Variants in BOC observed in about 807,000 individuals in gnomAD.
The protein encoded by BOC is brother of CDO.
A neutral mutation model predicts 112.0 loss-of-function variants in BOC; 76 were observed. That is an observed-to-expected ratio of 0.68 (90% CI 0.56 to 0.82). BOC has a LOEUF of 0.82. BOC is among the 40% of genes least tolerant of loss of function. The pLI is 0.00. For synonymous variants in BOC, 580 were observed against 599.8 expected (o/e 0.97, Z 0.48); for missense variants, 1,309 against 1,511.7 (o/e 0.87, Z 2.22).
chr3:113,235,274 A>C (rs952697890), intron 2 of BOC, among the ~76,000 whole-genome samples: 1 of 152,184 alleles, frequency 6.6e-6, no homozygotes, highest in African/African-American at 2.4e-5. Flanking sequence ...TTCATTTTAC[A>C]TGACTTATGT....
At chr3:113,246,940 C>G (rs576205752) in intron 2 of BOC, among the ~76,000 whole-genome samples, 1 of 152,158 alleles carries the variant, frequency 6.6e-6, no homozygotes, top group East Asian at 1.9e-4. Context: ...TATAAATTAC[C>G]GAGGGTGCAG....
At chr3:113,250,504 T>A in intron 3 of BOC, 51 bp from the exon 4 acceptor site, 1 of 1,546,344 alleles carries the variant, frequency 6.5e-7, no homozygotes, top group African/African-American at 1.4e-5. Context: ...AAACGTGATG[T>A]TGTTTTCTTG....
At position 113,216,201 on chromosome 3, in the gene BOC, T is replaced by G. The variant is rs1374398212; in HGVS notation, c.-155T>G. The G allele has an allele frequency of 2.2e-6, 1 of 456,022 alleles. No homozygotes were observed. Among genetic ancestry groups the G allele is most frequent in the East Asian group, 6.9e-5 (1 of 14,390 alleles). The allele number at this position is 456,022 out of a possible 1,614,324, so 28.2% of individuals were successfully genotyped here. A position where few individuals can be genotyped will look rare whatever the true frequency, so the allele number is the denominator to read the frequency against. ...TTTTTCCTCAGTTTCAGAACAAGCT[T>G]CCTGGAACCCATGACCCATGAAGTC... On this transcript the variant is annotated 5_prime_UTR_variant, in exon 2 of 20. Coordinates refer to ENST00000682979, the MANE Select transcript of BOC (RefSeq NM_001378074.1).
chr3:113,279,610 C>G (rs1163597473), intron 12 of BOC, 155 bp downstream of exon 12: 3 of 834,220 alleles, frequency 3.6e-6, no homozygotes, highest in Non-Finnish European at 5.5e-6. Context: ...TACCACAGTC[C>G]TAAAGCCTTC....
intron 6 of BOC, chr3:113,271,810 C>A (rs1948153488): frequency 6.1e-6 from 1 of 163,800 alleles, no homozygotes; most frequent in Non-Finnish European, 1.4e-5. Flanking sequence ...TGCAGTTTGT[C>A]CACAGTGTTG....
chr3:113,252,787 G>A (rs755087871), intron 4 of BOC, among the ~76,000 whole-genome samples: 3 of 152,184 alleles, frequency 2.0e-5, no homozygotes, highest in Non-Finnish European at 4.4e-5. Flanking sequence ...GTGGCAGAAG[G>A]GTCACCCATG....
chr3:113,213,940 TAC>T (rs1219640274), intron 1 of BOC, among the ~76,000 whole-genome samples: 1 of 152,342 alleles, frequency 6.6e-6, no homozygotes, highest in East Asian at 1.9e-4. Flanking sequence ...GGAGGGTGTC[TAC>T]ACATTTATGA....
intron 2 of BOC, among the ~76,000 whole-genome samples, chr3:113,219,440 T>C (rs909291483): frequency 6.6e-6 from 1 of 152,256 alleles, no homozygotes; most frequent in African/African-American, 2.4e-5. Context: ...AAATGGGCAT[T>C]ATTATCCTAT....
At position 113,285,373 on chromosome 3, in the gene BOC, G is replaced by C. The variant is rs754581637; in HGVS notation, c.2968G>C (p.Gly990Arg). The C allele has an allele frequency of 1.2e-6, 2 of 1,612,648 alleles. No homozygotes were observed. The highest frequency in any genetic ancestry group is 2.2e-5 in the East Asian group (1 of 44,892). The part of the protein sequence containing the change: ...YDPQSHQITR[G>R]PKSSPDEGSF... ...CCCATCTGGGCTTGTGCACTGCAGG[G>C]GTCCCAAGTCTAGCCCGGACGAGGG... Residue 990 changes from glycine (G) to arginine (R), a missense_variant and splice_region_variant, in exon 19 of 20, where the codon GGT (glycine) becomes CGT (arginine). By Grantham distance (125) the Gly-to-Arg change is moderately radical. Coordinates refer to ENST00000682979, the MANE Select transcript of BOC (RefSeq NM_001378074.1).
intron 4 of BOC, among the ~76,000 whole-genome samples, chr3:113,254,754 C>T (rs942034389): frequency 1.3e-5 from 2 of 152,238 alleles, no homozygotes; most frequent in African/African-American, 4.8e-5. Flanking sequence ...TGGCAAGATG[C>T]CACCTCCTGC....
intron 1 of BOC, among the ~76,000 whole-genome samples, chr3:113,213,819 T>C (rs1029514138): frequency 1.3e-5 from 2 of 152,204 alleles, no homozygotes; most frequent in African/African-American, 4.8e-5. Flanking sequence ...CAAATGAGTT[T>C]ATGCAAAGAG....
chr3:113,282,843 G>C (rs1490052641), intron 15 of BOC, among the ~76,000 whole-genome samples: 3 of 152,036 alleles, frequency 2.0e-5, no homozygotes. Flanking sequence ...GGCCAGCAGG[G>C]TCAGATGCAC....
intron 2 of BOC, among the ~76,000 whole-genome samples, chr3:113,220,692 G>C (rs1940444949): frequency 6.6e-6 from 1 of 152,174 alleles, no homozygotes; most frequent in African/African-American, 2.4e-5. Context: ...GCAGGAGCCT[G>C]GATTAGAGGC....
At chr3:113,245,155 A>T (rs1258485150) in intron 2 of BOC, among the ~76,000 whole-genome samples, 1 of 152,224 alleles carries the variant, frequency 6.6e-6, no homozygotes, top group Non-Finnish European at 1.5e-5. Flanking sequence ...AAATTTTTTA[A>T]ATTAGGTCTG....
In BOC at chr3:113,280,022, G is replaced by T; in HGVS notation, c.2205+17G>T. On this transcript the variant is annotated intron_variant, in intron 13 of 19. Coordinates refer to ENST00000682979, the MANE Select transcript of BOC (RefSeq NM_001378074.1). ...AAGTGGATGGTAAGCGGGCCTGGCCGTGGACTGCAGTGGAAGACGGCCTCC... is the reference window on the plus strand; with the variant it reads ...AAGTGGATGGTAAGCGGGCCTGGCCTTGGACTGCAGTGGAAGACGGCCTCC... The T allele has an allele frequency of 1.3e-6, 2 of 1,583,270 alleles. No individual in the cohort carries two copies. Among genetic ancestry groups the T allele is most frequent in the East Asian group, 4.5e-5 (2 of 44,198 alleles).
intron 4 of BOC, among the ~76,000 whole-genome samples, chr3:113,260,349 A>C (rs139528412): frequency 2.6e-5 from 4 of 152,362 alleles, no homozygotes; most frequent in African/African-American, 9.6e-5. Flanking sequence ...GGATACAAAG[A>C]GGTTGAAGAT....
chr3:113,274,777 C>T lies in BOC; in HGVS notation c.1542+95C>T. On this transcript the variant is annotated intron_variant, in intron 9 of 19. Coordinates refer to ENST00000682979, the MANE Select transcript of BOC (RefSeq NM_001378074.1). This position sits in a 1 kb window ranked among gnomAD's most constrained non-coding sequence, Gnocchi z 4.8. The stretch of plus-strand genomic sequence containing the variant: ...TCTCTTGGCCATCTCCCCTTGAGCT[C>T]CTGAAGCCTGAGCCGGTAATCCCCA... 3.1e-6 allele frequency: 4 copies of T among 1,301,428 alleles called. No individual in the cohort carries two copies. The highest frequency in any genetic ancestry group is 4.2e-6 in the Non-Finnish European group (4 of 956,130). The allele number at this position is 1,301,428 out of a possible 1,614,324, so 80.6% of individuals were successfully genotyped here. A position where few individuals can be genotyped will look rare whatever the true frequency, so the allele number is the denominator to read the frequency against.
At chr3:113,272,995 AC>A (rs1948295485) in intron 7 of BOC, 73 bp from the exon 8 acceptor site, 2 of 1,518,718 alleles carry the variant, frequency 1.3e-6, no homozygotes, top group African/African-American at 2.8e-5. Context: ...GCTCCTAACT[AC>A]ATCCCTCCCA....
At chr3:113,259,684 A>G (rs79986484) in intron 4 of BOC, among the ~76,000 whole-genome samples, 1,800 of 152,304 alleles carry the variant, frequency 0.012, 39 homozygotes, top group African/African-American at 0.041. Flanking sequence ...TGTCCTGCAA[A>G]TAGACGTAGT....
Sources: gnomAD v4.1 joint callset for allele counts (sites outside exome capture counted in the v4.1 genomes callset) on GRCh38, gnomAD v4.1.1 for gene constraint, Gnocchi (gnomAD v3.1) non-coding constraint, MANE v1.5 for transcripts, NCBI Gene and HGNC (gene_info 2026-07-23, HGNC 2026-07-21) for gene names.